Variants in N4BP2L2 observed in about 807,000 individuals in gnomAD.
N4BP2L2 encodes NEDD4 binding protein 2 like 2.
A neutral mutation model predicts 56.2 loss-of-function variants in N4BP2L2; 50 were observed. The observed-to-expected ratio is 0.89, with a 90% CI of 0.71 to 1.13. The LOEUF is 1.13. Ranked by LOEUF, N4BP2L2 falls within the 50% of genes most tolerant of loss-of-function variation. The pLI is 0.00. For missense variants in N4BP2L2, 689 were observed against 693.8 expected (o/e 0.99, Z 0.08); for synonymous variants, 203 against 223.6 (o/e 0.91, Z 0.82).
At chr13:32,536,926 A>G in exon 2 of N4BP2L2, 1 of 1,614,020 alleles carries the variant, frequency 6.2e-7, no homozygotes, top group South Asian at 1.1e-5. Flanking sequence ...GATTGTGAAA[A>G]ACATACGACT....
downstream of N4BP2L2, chr13:32,507,040 T>C (rs1481081396): frequency 6.6e-6 from 1 of 152,132 alleles, no homozygotes; most frequent in African/African-American, 2.4e-5. Flanking sequence ...TGAAAATCCA[T>C]CAAATGATGG....
At chr13:32,438,403 G>A (rs2075765398) in intron 8 of N4BP2L2, among the ~76,000 whole-genome samples, 1 of 152,166 alleles carries the variant, frequency 6.6e-6, no homozygotes, top group Admixed American at 6.5e-5. Flanking sequence ...TAGAAGTAGA[G>A]AATAGAACAG....
exon 3 of N4BP2L2, chr13:32,527,468 C>T (rs758785301): frequency 6.2e-7 from 1 of 1,613,966 alleles, no homozygotes; most frequent in East Asian, 2.2e-5. Flanking sequence ...CTGTACCCAT[C>T]TTGATGGTGA....
At chr13:32,538,837 C>A, upstream of N4BP2L2, 11 of 985,454 alleles carry the variant, frequency 1.1e-5, no homozygotes, top group Non-Finnish European at 1.3e-5. Context: ...GGCGTTTGCG[C>A]CAGGCATTGT....
downstream of N4BP2L2, chr13:32,508,427 G>A (rs1014230561): frequency 2.0e-5 from 3 of 152,140 alleles, no homozygotes; most frequent in Non-Finnish European, 4.4e-5. Flanking sequence ...AATTTCCTGA[G>A]AAGGAAAGAG....
At chr13:32,512,934 A>C (rs2048429419) in exon 6 of N4BP2L2, 1 of 152,126 alleles carries the variant, frequency 6.6e-6, no homozygotes, top group African/African-American at 2.4e-5. Context: ...CAGGAGGCTG[A>C]GGCAGGAGAA....
At chr13:32,453,469 C>T (rs769113112) in intron 6 of N4BP2L2, among the ~76,000 whole-genome samples, 5 of 151,682 alleles carry the variant, frequency 3.3e-5, no homozygotes, top group Non-Finnish European at 7.4e-5. Context: ...AGTAAGAAAT[C>T]TTTGTTAGTT....
chr13:32,516,284 C>T (rs1026252602), exon 6 of N4BP2L2: 37 of 152,250 alleles, frequency 2.4e-4, no homozygotes, highest in African/African-American at 8.7e-4. Context: ...ATACAATATA[C>T]ATTTACACAC....
intron 6 of N4BP2L2, chr13:32,446,344 CA>C (rs2077046682): frequency 7.3e-7 from 1 of 1,363,500 alleles, no homozygotes; most frequent in African/African-American, 1.5e-5. Flanking sequence ...AACTCTCCTT[CA>C]TGGCCAGTTC....
rs375182363 is a variant in N4BP2L2 at position 32,485,625 on chromosome 13, A to C, written c.365+32232T>G. Among the ~76,000 whole-genome samples the C allele has an allele frequency of 4.0e-4, 61 of 152,374 alleles. No homozygotes were observed. In the East Asian group the frequency reaches 0.011, roughly 27 times the overall value. On this transcript the variant is annotated intron_variant, in intron 6 of 9. Coordinates refer to the N4BP2L2 transcript ENST00000357505. ...GATGTTATCTCAGGAAAGCAAGGTT[A>C]GTTTAACATCCAAAATTCAATTAAT...
At chr13:32,480,302 T>C (rs1343151237) in intron 6 of N4BP2L2, among the ~76,000 whole-genome samples, 1 of 152,154 alleles carries the variant, frequency 6.6e-6, no homozygotes, top group Non-Finnish European at 1.5e-5. Flanking sequence ...AAAATAAATA[T>C]ATTTATTTTC....
chr13:32,491,000 C>CAA (rs5802645), intron 6 of N4BP2L2, among the ~76,000 whole-genome samples: 42,017 of 145,422 alleles, frequency 0.29, 6,739 homozygotes, highest in Non-Finnish European at 0.38. Context: ...CAGATTAAAG[C>CAA]AAAAAAAAAA....
At chr13:32,478,473 T>C (rs2083832995) in intron 6 of N4BP2L2, 1 of 163,338 alleles carries the variant, frequency 6.1e-6, no homozygotes, top group African/African-American at 2.4e-5. Context: ...TGGCTTGTTC[T>C]TTATACAAGA....
rs553003695 is a variant in N4BP2L2 at position 32,503,076 on chromosome 13, G to A, written c.365+14781C>T. 9.4e-5 allele frequency among the ~76,000 whole-genome samples: 14 copies of A among 149,626 alleles called. 1 individual carries two copies. The highest frequency in any genetic ancestry group is 7.9e-4 in the East Asian group (4 of 5,090). On this transcript the variant is annotated intron_variant, in intron 6 of 9. Coordinates refer to the N4BP2L2 transcript ENST00000357505. ...TAATCCCAGCGACTCGGGAGGCTGA[G>A]GCAGGAGAATCGCTTGAACCCAGGA...
chr13:32,474,671 G>C (rs1412886810), intron 6 of N4BP2L2, among the ~76,000 whole-genome samples: 1 of 152,086 alleles, frequency 6.6e-6, no homozygotes, highest in Non-Finnish European at 1.5e-5. Flanking sequence ...CTCCGGCCTG[G>C]GCAACAGAGT....
At chr13:32,490,189 G>C (rs2086744456) in intron 6 of N4BP2L2, 1 of 152,072 alleles carries the variant, frequency 6.6e-6, no homozygotes, top group African/African-American at 2.4e-5. Context: ...TCTTCGGCTT[G>C]TGAAGTTTTG....
chr13:32,505,161 C>T (rs1034978430), intron 6 of N4BP2L2: 2 of 152,356 alleles, frequency 1.3e-5, no homozygotes, highest in Non-Finnish European at 2.9e-5. Context: ...CAGGGTCATT[C>T]TTCCCTCTTC....
chr13:32,433,975 C>G (rs915676890), intron 9 of N4BP2L2, among the ~76,000 whole-genome samples: 2 of 149,038 alleles, frequency 1.3e-5, no homozygotes, highest in African/African-American at 4.9e-5. Context: ...AAAAGAAAGG[C>G]AATGCTTTAA....
rs556322365 is a variant in N4BP2L2 at position 32,532,250 on chromosome 13, TAAC to T, written c.1259+3516_1259+3518del. On this transcript the variant is annotated intron_variant, in intron 2 of 5. Transcript: ENST00000267068. Reference sequence around the variant, plus strand: ...CCACAATAATCTGTAAAACAGATGATAACAACAAAAAACTAATTTCTTAAATTC... The same window carrying T: ...CCACAATAATCTGTAAAACAGATGATAACAAAAAACTAATTTCTTAAATTC... Among the ~76,000 whole-genome samples the T allele has an allele frequency of 8.0e-3, 1,213 of 152,334 alleles. 7 individuals carry two copies. Among genetic ancestry groups the T allele is most frequent in the Middle Eastern group, 0.027 (8 of 294 alleles).
Sources: gnomAD v4.1 joint callset for allele counts (sites outside exome capture counted in the v4.1 genomes callset) on GRCh38, gnomAD v4.1.1 for gene constraint, MANE v1.5 for transcripts, NCBI Gene and HGNC (gene_info 2026-07-23, HGNC 2026-07-21) for gene names.